THSD7B: variants seen among roughly 807,000 people sequenced by gnomAD.
The protein encoded by THSD7B is thrombospondin type 1 domain containing 7B.
In THSD7B, 138 loss-of-function variants were observed where a neutral mutation model predicts 213.6. That is an observed-to-expected ratio of 0.65 (90% CI 0.56 to 0.74). THSD7B has a LOEUF of 0.74. Ranked by LOEUF, THSD7B falls within the 30% of genes least tolerant of loss-of-function variation. The pLI is 0.00. For synonymous variants in THSD7B, 742 were observed against 687.0 expected (o/e 1.08, Z -1.25); for missense variants, 1,931 against 1,991.5 (o/e 0.97, Z 0.58).
intron 1 of THSD7B, among the ~76,000 whole-genome samples, chr2:136,879,051 T>G (rs988750163): frequency 1.3e-5 from 2 of 152,320 alleles, no homozygotes; most frequent in African/African-American, 4.8e-5. Flanking sequence ...TGGTTTTAGG[T>G]CTAACATTTA....
chr2:136,929,981 A>C (rs1431427585), intron 2 of THSD7B, among the ~76,000 whole-genome samples: 3 of 152,210 alleles, frequency 2.0e-5, no homozygotes, highest in Non-Finnish European at 2.9e-5. Context: ...TTTAATTCTA[A>C]GATTAACTCT....
chr2:137,260,078 T>C (rs1682405933), intron 10 of THSD7B, among the ~76,000 whole-genome samples: 1 of 152,204 alleles, frequency 6.6e-6, no homozygotes, highest in African/African-American at 2.4e-5. Flanking sequence ...ACTTTAATGC[T>C]ATTTTAGGCA....
At chr2:137,247,357 C>T (rs1219372256) in intron 10 of THSD7B, among the ~76,000 whole-genome samples, 3 of 152,150 alleles carry the variant, frequency 2.0e-5, no homozygotes, top group Admixed American at 6.5e-5. Context: ...GCAATTATCA[C>T]CTCATGGACA....
At chr2:136,993,160 A>G (rs1685819643) in intron 2 of THSD7B, among the ~76,000 whole-genome samples, 1 of 152,222 alleles carries the variant, frequency 6.6e-6, no homozygotes, top group Non-Finnish European at 1.5e-5. Flanking sequence ...TGCAACCAAG[A>G]AGGTGCTTCA....
intron 2 of THSD7B, among the ~76,000 whole-genome samples, chr2:136,991,625 T>G (rs1261792673): frequency 6.6e-6 from 1 of 152,166 alleles, no homozygotes; most frequent in Non-Finnish European, 1.5e-5. Flanking sequence ...GAGAGTTGGG[T>G]AAATTGAGTG....
chr2:137,617,204 G>T (rs1276698744), intron 18 of THSD7B, among the ~76,000 whole-genome samples: 1 of 152,076 alleles, frequency 6.6e-6, no homozygotes, highest in Non-Finnish European at 1.5e-5. Context: ...TACTGTTTCA[G>T]AAATACAATA....
At chr2:137,317,489 G>A (rs1272029590) in intron 12 of THSD7B, among the ~76,000 whole-genome samples, 1 of 152,196 alleles carries the variant, frequency 6.6e-6, no homozygotes, top group Admixed American at 6.5e-5. Context: ...AAGTACTCTA[G>A]AGCATTCTAA....
At chr2:137,255,195 G>A (rs533859219) in intron 10 of THSD7B, among the ~76,000 whole-genome samples, 2 of 152,040 alleles carry the variant, frequency 1.3e-5, no homozygotes, top group Non-Finnish European at 2.9e-5. Flanking sequence ...CAAAGCAGAG[G>A]GAGATCAAAA....
intron 2 of THSD7B, among the ~76,000 whole-genome samples, chr2:137,026,133 G>A (rs1686550919): frequency 6.6e-6 from 1 of 152,158 alleles, no homozygotes. Context: ...AACAGGGATG[G>A]CAGATGTACA....
chr2:137,125,129 A>G (rs1373720346), intron 5 of THSD7B, among the ~76,000 whole-genome samples: 1 of 152,250 alleles, frequency 6.6e-6, no homozygotes, highest in East Asian at 1.9e-4. Context: ...ACCCTTCATC[A>G]TCTTCCCCAC....
intron 10 of THSD7B, among the ~76,000 whole-genome samples, chr2:137,246,388 G>A (rs1291298424): frequency 6.6e-6 from 1 of 152,048 alleles, no homozygotes; most frequent in Admixed American, 6.6e-5. Flanking sequence ...TAACAACCAG[G>A]GAATCACTGG....
intron 13 of THSD7B, among the ~76,000 whole-genome samples, chr2:137,410,029 T>G (rs779134791): frequency 3.6e-4 from 55 of 152,004 alleles, no homozygotes; most frequent in Non-Finnish European, 7.1e-4. Flanking sequence ...GACTGAGAGA[T>G]TCAACAATAT....
Position 137,467,277 on chromosome 2 carries a change from G to A in THSD7B, c.3138+16254G>A, listed in dbSNP as rs555726195. On this transcript the variant is annotated intron_variant, in intron 15 of 27. Coordinates refer to ENST00000409968, the MANE Select transcript of THSD7B (RefSeq NM_001316349.2). ...ACGATCTGAGACCCTAGGCTCTGTG[G>A]GGTGGTGACAGCAATGTCTCAGTCA... is the stretch of plus-strand genomic sequence containing the variant. 3.3e-5 allele frequency among the ~76,000 whole-genome samples: 5 copies of A among 152,284 alleles called. No homozygotes were observed. The South Asian group carries it at 1.0e-3, about 32-fold the overall frequency.
At chr2:136,867,068 A>G (rs532876695) in intron 1 of THSD7B, among the ~76,000 whole-genome samples, 18 of 152,294 alleles carry the variant, frequency 1.2e-4, no homozygotes, top group Non-Finnish European at 8.8e-5. Flanking sequence ...GTGGGTCTAG[A>G]CTACAAACTA....
intron 12 of THSD7B, among the ~76,000 whole-genome samples, chr2:137,310,821 G>A (rs1292126400): frequency 6.6e-6 from 1 of 152,008 alleles, no homozygotes; most frequent in Non-Finnish European, 1.5e-5. Flanking sequence ...TTGTAGATAT[G>A]CGGCGTTATT....
intron 12 of THSD7B, among the ~76,000 whole-genome samples, chr2:137,318,116 A>G (rs1008517405): frequency 1.3e-5 from 2 of 152,200 alleles, no homozygotes; most frequent in African/African-American, 4.8e-5. Context: ...TAGTTACAAA[A>G]AGAGGGACCT....
intron 12 of THSD7B, among the ~76,000 whole-genome samples, chr2:137,362,451 G>A (rs1177983452): frequency 1.3e-5 from 2 of 152,122 alleles, no homozygotes; most frequent in East Asian, 3.9e-4. Context: ...ATTGGATAAA[G>A]AGTCAAGACC....
intron 12 of THSD7B, among the ~76,000 whole-genome samples, chr2:137,372,323 CTTTTTTTTTTTTTT>C (rs55635315): frequency 5.0e-4 from 29 of 57,544 alleles, no homozygotes; most frequent in South Asian, 1.3e-3. Context: ...TGATAATACT[CTTTTTTTTTTTTTT>C]TTTTTTTTTT....
rs958078947 is a variant in THSD7B, at chr2:137,144,848, T to C, written c.1370-15365T>C. On this transcript the variant is annotated intron_variant, in intron 5 of 27. Transcript: ENST00000409968. ...AGGATTTTATCTTTTATTATTATTT[T>C]TAACTAGAAGCAATAAAAATGAATG... 2.0e-5 allele frequency among the ~76,000 whole-genome samples: 3 copies of C among 152,058 alleles called. No homozygotes were observed. The East Asian group carries it at 5.8e-4, about 29-fold the overall frequency.
Sources: allele counts gnomAD v4.1 joint callset (sites outside exome capture counted in the v4.1 genomes callset), GRCh38; gene constraint gnomAD v4.1.1; transcripts MANE v1.5; gene names NCBI Gene and HGNC (gene_info 2026-07-23, HGNC 2026-07-21).